The following CLVS1 variants were observed in gnomAD, a reference collection of about 807,000 sequenced individuals.
The protein encoded by CLVS1 is clavesin 1.
CLVS1 carries 10 observed loss-of-function variants against 33.1 expected under a neutral mutation model. The observed-to-expected ratio is 0.30, with a 90% confidence interval of 0.19 to 0.51. CLVS1 has a LOEUF of 0.51. Ranked by LOEUF, CLVS1 falls within the 20% of genes least tolerant of loss-of-function variation. CLVS1 has a pLI of 0.97. For synonymous variants in CLVS1, 163 were observed against 166.1 expected (o/e 0.98, Z 0.14); for missense variants, 343 against 433.4 (o/e 0.79, Z 1.85).
At chr8:60,996,297 GC>G in the CLVS1 span, among the ~76,000 whole-genome samples, 3 of 152,274 alleles carry the variant, frequency 2.0e-5, no homozygotes, top group African/African-American at 7.2e-5. Flanking sequence ...CTGGTCACAT[GC>G]CCTGTGTCAC....
chr8:61,204,553 A>G (rs1010209814), intron 2 of CLVS1, among the ~76,000 whole-genome samples: 1 of 152,226 alleles, frequency 6.6e-6, no homozygotes, highest in African/African-American at 2.4e-5. Context: ...TGTTAAATGT[A>G]GGAAAAGCAT....
intron 2 of CLVS1, among the ~76,000 whole-genome samples, chr8:61,181,945 C>T (rs888199579): frequency 6.6e-6 from 1 of 152,106 alleles, no homozygotes; most frequent in Non-Finnish European, 1.5e-5. Context: ...TCGTGATCCA[C>T]CCGCCTCAGC....
At chr8:61,345,626 G>C (rs1812188360) in intron 2 of CLVS1, among the ~76,000 whole-genome samples, 1 of 147,084 alleles carries the variant, frequency 6.8e-6, no homozygotes, top group Non-Finnish European at 1.5e-5. Context: ...CTAGGGGTGT[G>C]TGTGTGTGTG....
intron 5 of CLVS1, among the ~76,000 whole-genome samples, chr8:61,490,394 C>T (rs1213580204): frequency 1.3e-5 from 2 of 151,818 alleles, no homozygotes; most frequent in East Asian, 1.9e-4. Flanking sequence ...TTGGGCCGGG[C>T]TCTGTGGCTC....
intron 2 of CLVS1, among the ~76,000 whole-genome samples, chr8:61,344,232 C>A (rs1487541525): frequency 6.6e-6 from 1 of 152,040 alleles, no homozygotes; most frequent in East Asian, 1.9e-4. Flanking sequence ...CTAATAAATT[C>A]ATTTTACTTT....
chr8:61,453,721 G>A (rs1013028147), intron 3 of CLVS1, among the ~76,000 whole-genome samples: 12 of 152,148 alleles, frequency 7.9e-5, no homozygotes, highest in African/African-American at 2.2e-4. Context: ...TGATTAAGCC[G>A]GTGGAGAGGG....
chr8:61,303,257 A>G (rs1390677878), intron 2 of CLVS1, among the ~76,000 whole-genome samples: 1 of 152,242 alleles, frequency 6.6e-6, no homozygotes, highest in Non-Finnish European at 1.5e-5. Flanking sequence ...TGTATATCCC[A>G]AAGTATGTTG....
chr8:61,355,404 G>A (rs1812651125), intron 2 of CLVS1, among the ~76,000 whole-genome samples: 1 of 151,798 alleles, frequency 6.6e-6, no homozygotes, highest in Non-Finnish European at 1.5e-5. Flanking sequence ...TTTTACTATG[G>A]TCTTTTTCTT....
chr8:61,244,752 G>A (rs1808772365), intron 2 of CLVS1, among the ~76,000 whole-genome samples: 1 of 152,002 alleles, frequency 6.6e-6, no homozygotes, highest in Non-Finnish European at 1.5e-5. Flanking sequence ...GGGGTATAGG[G>A]GAACTCTGTA....
chr8:61,170,886 C>G (rs1191006819), intron 2 of CLVS1, among the ~76,000 whole-genome samples: 2 of 152,078 alleles, frequency 1.3e-5, no homozygotes, highest in Non-Finnish European at 2.9e-5. Flanking sequence ...AACACCAGAA[C>G]AACAGAAAAT....
At chr8:61,134,616 C>T (rs1375433054) in intron 2 of CLVS1, among the ~76,000 whole-genome samples, 1 of 152,130 alleles carries the variant, frequency 6.6e-6, no homozygotes, top group Non-Finnish European at 1.5e-5. Flanking sequence ...GCCTGAATTC[C>T]TACACTTGCA....
At chr8:61,451,810 C>CAGAGAGAGAGAGAGAGAG (rs545429020) in intron 3 of CLVS1, among the ~76,000 whole-genome samples, 4 of 137,406 alleles carry the variant, frequency 2.9e-5, no homozygotes, top group Non-Finnish European at 6.0e-5. Context: ...CACACACACA[C>CAGAGAGAGAGAGAGAGAG]ACAGAGAGAG....
At chr8:61,486,284 A>C (rs545464639) in intron 5 of CLVS1, among the ~76,000 whole-genome samples, 1 of 152,230 alleles carries the variant, frequency 6.6e-6, no homozygotes, top group East Asian at 1.9e-4. Flanking sequence ...GAGTCAGGCC[A>C]AAAATAAATG....
chr8:61,318,819 G>A (rs1024363425), intron 2 of CLVS1, among the ~76,000 whole-genome samples: 6 of 152,104 alleles, frequency 3.9e-5, no homozygotes, highest in African/African-American at 1.4e-4. Context: ...TTATGTTGCT[G>A]AGGCTGGTCT....
chr8:60,995,643 C>T, the CLVS1 span, among the ~76,000 whole-genome samples: 2 of 152,108 alleles, frequency 1.3e-5, no homozygotes, highest in Admixed American at 6.6e-5. Flanking sequence ...ACCATTTGAC[C>T]CAGCCATCCC....
chr8:61,046,710 T>A, the CLVS1 span, among the ~76,000 whole-genome samples: 2 of 152,124 alleles, frequency 1.3e-5, no homozygotes, highest in Non-Finnish European at 2.9e-5. Flanking sequence ...TTCACGTCCC[T>A]TGTAAGTTGG....
intron 2 of CLVS1, among the ~76,000 whole-genome samples, chr8:61,144,482 T>C (rs997539612): frequency 2.0e-5 from 3 of 152,202 alleles, no homozygotes; most frequent in Non-Finnish European, 2.9e-5. Flanking sequence ...TCCAAGTCTT[T>C]GCTATTCACT....
intron 2 of CLVS1, among the ~76,000 whole-genome samples, chr8:61,256,461 C>T (rs1336333940): frequency 3.9e-5 from 6 of 152,012 alleles, no homozygotes; most frequent in African/African-American, 1.2e-4. Flanking sequence ...TGCAGTGAGC[C>T]GAGATCGTGC....
At chr8:61,219,901 G>A (rs553858467) in intron 2 of CLVS1, among the ~76,000 whole-genome samples, 34 of 152,306 alleles carry the variant, frequency 2.2e-4, no homozygotes, top group African/African-American at 8.2e-4. Context: ...GATAATCAGT[G>A]ATGTTGAGCT....
Sources: gnomAD v4.1 joint callset for allele counts (sites outside exome capture counted in the v4.1 genomes callset) on GRCh38, gnomAD v4.1.1 for gene constraint, MANE v1.5 for transcripts, NCBI Gene and HGNC (gene_info 2026-07-23, HGNC 2026-07-21) for gene names.